DLG5: variants seen among roughly 807,000 people sequenced by gnomAD.
DLG5 encodes discs large MAGUK scaffold protein 5.
DLG5 carries 48 observed loss-of-function variants against 189.8 expected under a neutral mutation model. That is an observed-to-expected ratio of 0.25 (90% CI 0.20 to 0.32). The LOEUF (loss-of-function observed/expected upper bound fraction) is 0.32. Among genes scored for constraint, DLG5 ranks in the 10% least tolerant of loss-of-function variants. The pLI, the probability that DLG5 is intolerant of heterozygous loss-of-function variation, is 1.00. For synonymous variants in DLG5, 1,016 were observed against 1,054.1 expected (o/e 0.96, Z 0.70); for missense variants, 2,160 against 2,544.7 (o/e 0.85, Z 3.25).
chr10:77,926,529 G>C lies in DLG5; in HGVS notation c.-9C>G. 7.9e-7 allele frequency: 1 copy of C among 1,272,540 alleles called. No individual in the cohort carries two copies. The highest frequency in any genetic ancestry group is 9.9e-7 in the Non-Finnish European group (1 of 1,011,798). 78.8% of individuals were successfully genotyped at this position (1,272,540 alleles called of 1,614,324 possible). ...CGGCGCTGGGGCTCCATGGTGGCGG[G>C]CCGCGCCGCCCCGCCCCGCCGGACG... On this transcript the variant is annotated 5_prime_UTR_variant, in exon 1 of 32. Coordinates refer to ENST00000372391, the MANE Select transcript of DLG5 (RefSeq NM_004747.4). This position sits in a 1 kb window ranked among gnomAD's most constrained non-coding sequence, Gnocchi z 5.2.
chr10:77,796,285 C>T lies in DLG5; in HGVS notation c.5309-97G>A. The stretch of plus-strand genomic sequence containing the variant: ...AACACTGCTCAGCAGCTGTCAGTAA[C>T]CCAGTCCTGCCATGCATGAATCTGA... On this transcript the variant is annotated intron_variant, in intron 28 of 31. Transcript: ENST00000372391. This position sits in a 1 kb window ranked among gnomAD's most constrained non-coding sequence, Gnocchi z 5.2. 1 of 1,598,610 alleles carries T rather than the reference C, an allele frequency of 6.3e-7. No homozygotes were observed. The highest frequency in any genetic ancestry group is 8.5e-7 in the Non-Finnish European group (1 of 1,170,080).
At chr10:77,927,266 G>A (rs1417311743), upstream of DLG5, 1 of 153,064 alleles carries the variant, frequency 6.5e-6, no homozygotes, top group Non-Finnish European at 1.5e-5. Flanking sequence ...CCGGGGGTGG[G>A]GGACACGGAG....
chr10:77,859,062 G>T lies in DLG5; in HGVS notation c.374-2170C>A, dbSNP rs541684980. ...TAATTTTTTTGTATTTTTTGTTAGA[G>T]ACGGGGTATCGCTATGTTGCCCAGG... is the stretch of plus-strand genomic sequence containing the variant. On this transcript the variant is annotated intron_variant, in intron 2 of 31. Coordinates refer to ENST00000372391, the MANE Select transcript of DLG5 (RefSeq NM_004747.4). 4.6e-5 allele frequency among the ~76,000 whole-genome samples: 7 copies of T among 152,220 alleles called. No homozygotes were observed. The East Asian group carries it at 1.4e-3, about 29-fold the overall frequency.
intron 2 of DLG5, among the ~76,000 whole-genome samples, chr10:77,857,689 T>G (rs571897643): frequency 1.3e-4 from 20 of 152,128 alleles, no homozygotes; most frequent in Non-Finnish European, 2.5e-4. Flanking sequence ...TCCAAATCCA[T>G]CTCTAGGAAG....
At chr10:77,940,264 A>G in the DLG5 span, among the ~76,000 whole-genome samples, 70 of 152,218 alleles carry the variant, frequency 4.6e-4, no homozygotes, top group African/African-American at 1.5e-3. Flanking sequence ...TTCCCACCAC[A>G]AAGCTTCTCC....
chr10:77,798,001 A>G (rs1841011310), intron 27 of DLG5, among the ~76,000 whole-genome samples: 2 of 152,144 alleles, frequency 1.3e-5, no homozygotes, highest in African/African-American at 2.4e-5. Context: ...AGCCTGGCCA[A>G]TAAGGCAAGA....
intron 15 of DLG5, 29 bp from the exon 16 acceptor site, chr10:77,820,047 T>C (rs770458660): frequency 5.0e-6 from 8 of 1,611,196 alleles, no homozygotes; most frequent in Non-Finnish European, 5.9e-6. Flanking sequence ...GAGTGTCTGC[T>C]AGAAAGAGTG....
intron 1 of DLG5, among the ~76,000 whole-genome samples, chr10:77,896,058 G>C (rs2154577742): frequency 6.6e-6 from 1 of 152,108 alleles, no homozygotes; most frequent in Non-Finnish European, 1.5e-5. Context: ...TACTCAGGAG[G>C]CTGAGGCACA....
At chr10:77,806,280 C>T (rs1022976659) in intron 26 of DLG5, 3 of 234,344 alleles carry the variant, frequency 1.3e-5, no homozygotes, top group Non-Finnish European at 1.7e-5. Flanking sequence ...CACAGAAGTC[C>T]AGACAGGGAG....
intron 27 of DLG5, among the ~76,000 whole-genome samples, chr10:77,802,176 C>T (rs1841240649): frequency 6.6e-6 from 1 of 152,176 alleles, no homozygotes; most frequent in African/African-American, 2.4e-5. Flanking sequence ...GACTTCTGGC[C>T]TCCAGAACTG....
At chr10:77,872,907 C>T (rs766824763) in intron 1 of DLG5, among the ~76,000 whole-genome samples, 2 of 151,986 alleles carry the variant, frequency 1.3e-5, no homozygotes, top group African/African-American at 2.4e-5. Flanking sequence ...CCCAACCTGC[C>T]CTGAAACCTA....
Position 77,888,706 on chromosome 10 carries a change from C to T in DLG5, c.305-19509G>A, listed in dbSNP as rs183960675. On this transcript the variant is annotated intron_variant, in intron 1 of 31. Coordinates refer to ENST00000372391, the MANE Select transcript of DLG5 (RefSeq NM_004747.4). ...CCGTGTGCCAAGCAAATGGAATCCT[C>T]GGGAAAGGACACCCATTAAGGACCA... Among the ~76,000 whole-genome samples the T allele has an allele frequency of 1.5e-3, 225 of 152,252 alleles. 2 individuals are homozygous for T. Among genetic ancestry groups the T allele is most frequent in the Non-Finnish European group, 7.1e-4 (48 of 68,008 alleles).
At position 77,796,668 on chromosome 10, in the gene DLG5, C is replaced by T; in HGVS notation, c.5165-74G>A. The T allele has an allele frequency of 6.3e-7, 1 of 1,580,222 alleles. No homozygotes were observed. The highest frequency in any genetic ancestry group is 1.7e-5 in the Admixed American group (1 of 58,084). Reference sequence around the variant, plus strand: ...ACCTGAGTGGGGCTGGGGAACCCCGCTCCCTGACCTCGCCCACTCTGGTTT... The same window carrying T: ...ACCTGAGTGGGGCTGGGGAACCCCGTTCCCTGACCTCGCCCACTCTGGTTT... On this transcript the variant is annotated intron_variant, in intron 27 of 31. Coordinates refer to ENST00000372391, the MANE Select transcript of DLG5 (RefSeq NM_004747.4). The surrounding 1 kb of genome is among the most constrained non-coding windows in gnomAD (Gnocchi z 5.2).
intron 22 of DLG5, 100 bp from the exon 23 acceptor site, chr10:77,811,334 G>A (rs1165863737): frequency 6.9e-7 from 1 of 1,457,830 alleles, no homozygotes. Context: ...TGGGGACCAG[G>A]TCACATAGCC....
upstream of DLG5, chr10:77,926,946 C>G (rs1313659707): frequency 1.1e-5 from 4 of 378,920 alleles, no homozygotes; most frequent in Admixed American, 1.2e-4. This position sits in a 1 kb window ranked among gnomAD's most constrained non-coding sequence, Gnocchi z 5.2. Context: ...AGCAAGACTA[C>G]AACTCCCGGG....
chr10:77,878,624 C>G lies in DLG5; in HGVS notation c.305-9427G>C, dbSNP rs1001857728. On this transcript the variant is annotated intron_variant, in intron 1 of 31. Transcript: ENST00000372391. ...CTCCCTCAGGAGCTAATGCTTCCCC[C>G]TCAACCCAGCCATGAGTGTCGCCTC... Among the ~76,000 whole-genome samples the G allele has an allele frequency of 2.6e-5, 4 of 152,188 alleles. No homozygotes were observed. The South Asian group carries it at 6.2e-4, about 24-fold the overall frequency.
intron 1 of DLG5, among the ~76,000 whole-genome samples, chr10:77,870,896 T>C (rs1251720605): frequency 1.3e-5 from 2 of 151,682 alleles, no homozygotes; most frequent in Non-Finnish European, 2.9e-5. Context: ...GTGAGGACCA[T>C]GCAGGAGGGC....
chr10:77,917,290 C>T (rs917529925), intron 1 of DLG5, among the ~76,000 whole-genome samples: 7 of 151,740 alleles, frequency 4.6e-5, no homozygotes, highest in African/African-American at 1.7e-4. Context: ...TGCAGTGAGC[C>T]GAGATCGCGC....
chr10:77,926,626 C>T lies in DLG5; in HGVS notation c.-106G>A. 5.6e-6 allele frequency: 5 copies of T among 895,060 alleles called. No homozygotes were observed. Among genetic ancestry groups the T allele is most frequent in the Non-Finnish European group, 6.9e-6 (5 of 727,712 alleles). The allele number at this position is 895,060 out of a possible 1,614,324, so 55.4% of individuals were successfully genotyped here. A position where few individuals can be genotyped will look rare whatever the true frequency, so the allele number is the denominator to read the frequency against. On this transcript the variant is annotated 5_prime_UTR_variant, in exon 1 of 32. Coordinates refer to ENST00000372391, the MANE Select transcript of DLG5 (RefSeq NM_004747.4). This position sits in a 1 kb window ranked among gnomAD's most constrained non-coding sequence, Gnocchi z 5.2. ...GCAGCAGCCCTAGGGCGCCGGGAGC[C>T]GTGAGGCGGCGGGAGCCATGGGCCG...
Sources: allele counts gnomAD v4.1 joint callset (sites outside exome capture counted in the v4.1 genomes callset), GRCh38; gene constraint gnomAD v4.1.1; non-coding constraint Gnocchi (gnomAD v3.1); transcripts MANE v1.5; gene names NCBI Gene and HGNC (gene_info 2026-07-23, HGNC 2026-07-21).